ABLIM2: variants seen among roughly 807,000 people sequenced by gnomAD.
The protein encoded by ABLIM2 is actin binding LIM protein family member 2.
In ABLIM2, 53 loss-of-function variants were observed where a neutral mutation model predicts 97.7. The observed-to-expected ratio is 0.54, with a 90% CI of 0.44 to 0.68. The LOEUF is 0.68. ABLIM2 is among the 30% of genes least tolerant of loss of function. The pLI is 0.00. For synonymous variants in ABLIM2, 361 were observed against 345.8 expected (o/e 1.04, Z -0.49); for missense variants, 835 against 867.2 (o/e 0.96, Z 0.47).
At position 8,080,915 on chromosome 4, in the gene ABLIM2, C is replaced by G; in HGVS notation, c.455-113G>C. On this transcript the variant is annotated intron_variant, in intron 4 of 20. Transcript: ENST00000447017. ...CCTGGGGCAGCCGGGAGGGGCGGGACAGACCAGCAGCCACAGCGAGTGTGC... is the reference window on the plus strand; with the variant it reads ...CCTGGGGCAGCCGGGAGGGGCGGGAGAGACCAGCAGCCACAGCGAGTGTGC... 7.5e-6 allele frequency: 10 copies of G among 1,341,498 alleles called. 1 individual carries two copies. The East Asian group carries it at 1.9e-4, about 25-fold the overall frequency. 83.1% of individuals were successfully genotyped at this position (1,341,498 alleles called of 1,614,324 possible).
Position 7,980,938 on chromosome 4 carries a change from C to CTTTTTTTTTTTTTTTTT in ABLIM2, c.1824+2325_1824+2326insAAAAAAAAAAAAAAAAA, listed in dbSNP as rs1255215577. Among the ~76,000 whole-genome samples, 329 of 38,074 alleles carry CTTTTTTTTTTTTTTTTT rather than the reference C, an allele frequency of 8.6e-3. 1 individual carries two copies. Among genetic ancestry groups the CTTTTTTTTTTTTTTTTT allele is most frequent in the East Asian group, 0.023 (32 of 1,416 alleles). The allele number at this position is 38,074 out of a possible 152,430, so 25.0% of individuals were successfully genotyped here. On this transcript the variant is annotated intron_variant, in intron 20 of 20. Transcript: ENST00000447017. ...ATAAGAACCATGGTCTCCACAACCC[C>CTTTTTTTTTTTTTTTTT]TTATTTTTTTTTTTTTTTTTTTTGA...
intron 10 of ABLIM2, among the ~76,000 whole-genome samples, chr4:8,030,772 G>T (rs1160287567): frequency 6.6e-6 from 1 of 152,232 alleles, no homozygotes; most frequent in Non-Finnish European, 1.5e-5. Context: ...CTGGCTCCTT[G>T]TTCAGCTTGG....
chr4:8,004,274 A>C lies in ABLIM2; in HGVS notation c.1618+3785T>G, dbSNP rs1327849022. Among the ~76,000 whole-genome samples the C allele has an allele frequency of 1.3e-5, 2 of 152,062 alleles. No homozygotes were observed. The highest frequency in any genetic ancestry group is 2.9e-5 in the Non-Finnish European group (2 of 68,032). ...AGCGAGAGGACACACAGAAAGTGAC[A>C]GAAAATGCCAAGCCACAGGCAGGTT... On this transcript the variant is annotated intron_variant, in intron 16 of 20. Coordinates refer to ENST00000447017, the MANE Select transcript of ABLIM2 (RefSeq NM_001130083.2). This position sits in a 1 kb window ranked among gnomAD's most constrained non-coding sequence, Gnocchi z 5.9.
In ABLIM2 at chr4:8,015,348, C is replaced by T. The variant is rs948132564; in HGVS notation, c.1423+4270G>A. Among the ~76,000 whole-genome samples, 4 of 152,042 alleles carry T rather than the reference C, an allele frequency of 2.6e-5. No individual in the cohort carries two copies. Among genetic ancestry groups the T allele is most frequent in the African/African-American group, 9.7e-5 (4 of 41,396 alleles). On this transcript the variant is annotated intron_variant, in intron 14 of 20. Coordinates refer to ENST00000447017, the MANE Select transcript of ABLIM2 (RefSeq NM_001130083.2). The surrounding 1 kb of genome is among the most constrained non-coding windows in gnomAD (Gnocchi z 4.6). ...AAATGCGTCGGCCATGAGGAACCCT[C>T]TAGGGAGAGGCTGAGTTCCTACTCC...
intron 6 of ABLIM2, 106 bp downstream of exon 6, chr4:8,077,522 G>A (rs954678447): frequency 3.5e-6 from 4 of 1,140,030 alleles, no homozygotes; most frequent in Admixed American, 2.1e-5. Flanking sequence ...TGAAGCTGCA[G>A]CCAGACAGAT....
rs558637655 is a variant in ABLIM2 at position 8,034,123 on chromosome 4, G to T, written c.1047+2026C>A. On this transcript the variant is annotated intron_variant, in intron 10 of 20. Transcript: ENST00000447017. ...GGTCTTTGCGGGGAAGAAGGGACTG[G>T]ATTTGGGTCTTAGCCCTGTGGCCGA... 3.9e-5 allele frequency among the ~76,000 whole-genome samples: 6 copies of T among 152,302 alleles called. No homozygotes were observed. The Middle Eastern group carries it at 0.014, about 345-fold the overall frequency.
At position 8,155,297 on chromosome 4, in the gene ABLIM2, G is replaced by A. The variant is rs559348562; in HGVS notation, c.10+3383C>T. On this transcript the variant is annotated intron_variant, in intron 1 of 20. Transcript: ENST00000447017. The surrounding 1 kb of genome is among the most constrained non-coding windows in gnomAD (Gnocchi z 4.2). Reference sequence around the variant, plus strand: ...TGTGGCTACATCATTGCCCATTCTTGGATTAGGTGAAGAAATGTGTCTCTG... The same window carrying A: ...TGTGGCTACATCATTGCCCATTCTTAGATTAGGTGAAGAAATGTGTCTCTG... Among the ~76,000 whole-genome samples, 38 of 152,280 alleles carry A rather than the reference G, an allele frequency of 2.5e-4. No individual in the cohort carries two copies. The highest frequency in any genetic ancestry group is 8.9e-4 in the African/African-American group (37 of 41,550).
rs1001050493 is a variant in ABLIM2, at chr4:8,021,540, G to C, written c.1268-1237C>G. Among the ~76,000 whole-genome samples the C allele has an allele frequency of 6.6e-6, 1 of 152,246 alleles. No homozygotes were observed. Among genetic ancestry groups the C allele is most frequent in the Non-Finnish European group, 1.5e-5 (1 of 68,040 alleles). Reference sequence around the variant, plus strand: ...TCAAGCTGCACAGCCTTTCAGAGCAGCAGGACCCTGCGGTGACATCGAAAT... The same window carrying C: ...TCAAGCTGCACAGCCTTTCAGAGCACCAGGACCCTGCGGTGACATCGAAAT... On this transcript the variant is annotated intron_variant, in intron 12 of 20. Transcript: ENST00000447017. The surrounding 1 kb of genome is among the most constrained non-coding windows in gnomAD (Gnocchi z 5.5).
At chr4:8,106,463 G>C in intron 2 of ABLIM2, 31 bp downstream of exon 2, 2 of 1,576,226 alleles carry the variant, frequency 1.3e-6, no homozygotes, top group African/African-American at 1.3e-5. Flanking sequence ...CGTTTCAGGG[G>C]CCACACTGCA....
rs1485080978 is a variant in ABLIM2 at position 8,033,465 on chromosome 4, G to A, written c.1047+2684C>T. 6.6e-6 allele frequency among the ~76,000 whole-genome samples: 1 copy of A among 152,224 alleles called. No homozygotes were observed. Among genetic ancestry groups the A allele is most frequent in the African/African-American group, 2.4e-5 (1 of 41,464 alleles). On this transcript the variant is annotated intron_variant, in intron 10 of 20. Transcript: ENST00000447017. The surrounding 1 kb of genome is among the most constrained non-coding windows in gnomAD (Gnocchi z 4.5). ...ATGGAATCAAGGGAGAAACCCTCAG[G>A]CTGCTCCCGGCCATCGGCATAGAGG...
chr4:7,973,699 C>T (rs1474440207), intron 20 of ABLIM2, among the ~76,000 whole-genome samples: 3 of 152,164 alleles, frequency 2.0e-5, no homozygotes, highest in Non-Finnish European at 4.4e-5. Flanking sequence ...CTGCTAAGCC[C>T]TGCCCTGCCA....
In ABLIM2 at chr4:8,061,626, C is replaced by T. The variant is rs1803151333; in HGVS notation, c.676-572G>A. On this transcript the variant is annotated intron_variant, in intron 6 of 20. Transcript: ENST00000447017. The surrounding 1 kb of genome is among the most constrained non-coding windows in gnomAD (Gnocchi z 4.5). ...GAAATAACCCAAACAAACCACATTG[C>T]CTGGTTTGGCTTATTTTTGCCTGGA... is the stretch of plus-strand genomic sequence containing the variant. Among the ~76,000 whole-genome samples, 2 of 151,524 alleles carry T rather than the reference C, an allele frequency of 1.3e-5. No homozygotes were observed. Among genetic ancestry groups the T allele is most frequent in the Non-Finnish European group, 2.9e-5 (2 of 67,918 alleles).
Position 8,082,597 on chromosome 4 carries a change from C to T in ABLIM2, c.455-1795G>A, listed in dbSNP as rs1217936161. On this transcript the variant is annotated intron_variant, in intron 4 of 20. Transcript: ENST00000447017. The surrounding 1 kb of genome is among the most constrained non-coding windows in gnomAD (Gnocchi z 5.6). ...AGCCGTTGGTCAAGCTCAGGATTTCCTAAGTGACCACACTGTGCACATTCA... is the reference window on the plus strand; with the variant it reads ...AGCCGTTGGTCAAGCTCAGGATTTCTTAAGTGACCACACTGTGCACATTCA... 6.6e-6 allele frequency among the ~76,000 whole-genome samples: 1 copy of T among 152,220 alleles called. No individual in the cohort carries two copies. The highest frequency in any genetic ancestry group is 1.5e-5 in the Non-Finnish European group (1 of 68,034).
chr4:7,985,347 G>A (rs535588154), intron 17 of ABLIM2, among the ~76,000 whole-genome samples: 99 of 152,270 alleles, frequency 6.5e-4, no homozygotes, highest in African/African-American at 2.3e-3. Context: ...TGAGCACAGC[G>A]CCTAGAACCT....
chr4:8,134,403 G>GCTGC (rs1338983769), intron 1 of ABLIM2, among the ~76,000 whole-genome samples: 10 of 152,032 alleles, frequency 6.6e-5, no homozygotes, highest in Non-Finnish European at 1.0e-4. Context: ...CGGAAACTGG[G>GCTGC]CCGTCTCCTG....
chr4:8,130,336 G>A lies in ABLIM2; in HGVS notation c.11-23699C>T, dbSNP rs1335243349. Among the ~76,000 whole-genome samples the A allele has an allele frequency of 6.6e-6, 1 of 152,192 alleles. No homozygotes were observed. Among genetic ancestry groups the A allele is most frequent in the African/African-American group, 2.4e-5 (1 of 41,434 alleles). ...TTGCTTTGAGGCCATCATCTTAAGG[G>A]GATTCTCTGTAATGTTCAGGAGAGG... On this transcript the variant is annotated intron_variant, in intron 1 of 20. Transcript: ENST00000447017. This position sits in a 1 kb window ranked among gnomAD's most constrained non-coding sequence, Gnocchi z 4.2.
rs922318278 is a variant in ABLIM2, at chr4:8,123,551, C to A, written c.11-16914G>T. 1.3e-5 allele frequency among the ~76,000 whole-genome samples: 2 copies of A among 152,192 alleles called. No individual in the cohort carries two copies. The highest frequency in any genetic ancestry group is 2.9e-5 in the Non-Finnish European group (2 of 68,034). On this transcript the variant is annotated intron_variant, in intron 1 of 20. Transcript: ENST00000447017. The surrounding 1 kb of genome is among the most constrained non-coding windows in gnomAD (Gnocchi z 6.2). Reference sequence around the variant, plus strand: ...GGCATGTCTAATTAAAACTGGTCGTCGGGATGGCTGGCCTGGAGCCCAGGG... The same window carrying A: ...GGCATGTCTAATTAAAACTGGTCGTAGGGATGGCTGGCCTGGAGCCCAGGG...
chr4:7,978,570 G>A (rs1351581346), intron 20 of ABLIM2, among the ~76,000 whole-genome samples: 1 of 152,186 alleles, frequency 6.6e-6, no homozygotes, highest in Non-Finnish European at 1.5e-5. Flanking sequence ...TGCTGGCTGA[G>A]CTCACCTTTT....
At chr4:8,101,868 T>C (rs1322691021) in intron 2 of ABLIM2, among the ~76,000 whole-genome samples, 1 of 152,222 alleles carries the variant, frequency 6.6e-6, no homozygotes. Context: ...GTTTGACGTA[T>C]TTATGTTCTG....
Sources: allele counts gnomAD v4.1 joint callset (sites outside exome capture counted in the v4.1 genomes callset), GRCh38; gene constraint gnomAD v4.1.1; non-coding constraint Gnocchi (gnomAD v3.1); transcripts MANE v1.5; gene names NCBI Gene and HGNC (gene_info 2026-07-23, HGNC 2026-07-21).